MICAL3: variants seen among roughly 807,000 people sequenced by gnomAD.
MICAL3 encodes [F-actin]-monooxygenase MICAL3.
Under a neutral mutation model 207.4 loss-of-function variants are expected in MICAL3, and 62 were observed. That is an observed-to-expected ratio of 0.30 (90% CI 0.24 to 0.37). The LOEUF (loss-of-function observed/expected upper bound fraction) is 0.37. Ranked by LOEUF, MICAL3 falls within the 10% of genes least tolerant of loss-of-function variation. MICAL3 has a pLI of 1.00. For missense variants in MICAL3, 2,368 were observed against 2,635.6 expected (o/e 0.90, Z 2.22); for synonymous variants, 1,077 against 1,069.3 (o/e 1.01, Z -0.14).
At chr22:17,855,237 A>G (rs752029000) in intron 19 of MICAL3, among the ~76,000 whole-genome samples, 19 of 152,202 alleles carry the variant, frequency 1.2e-4, no homozygotes, top group Non-Finnish European at 2.5e-4. Flanking sequence ...AGTAGATCAG[A>G]ATGTCCATAT....
At chr22:17,866,992 G>A (rs1048854310) in intron 17 of MICAL3, among the ~76,000 whole-genome samples, 2 of 152,228 alleles carry the variant, frequency 1.3e-5, no homozygotes, top group African/African-American at 4.8e-5. Context: ...TTTGTAGAGA[G>A]TGCTTCTTAG....
chr22:17,860,431 C>T (rs1403513840), intron 19 of MICAL3: 14 of 985,308 alleles, frequency 1.4e-5, no homozygotes, highest in South Asian at 1.4e-4. Flanking sequence ...GTACCGCCGC[C>T]GGGAAGCCGG....
intron 1 of MICAL3, among the ~76,000 whole-genome samples, chr22:17,913,624 C>G (rs756579006): frequency 6.6e-6 from 1 of 151,978 alleles, no homozygotes; most frequent in African/African-American, 2.4e-5. Flanking sequence ...AGAGCCAGAC[C>G]CAGATAGCCT....
intron 1 of MICAL3, among the ~76,000 whole-genome samples, chr22:18,000,219 C>T (rs2146485679): frequency 6.8e-6 from 1 of 147,806 alleles, no homozygotes; most frequent in African/African-American, 2.6e-5. Flanking sequence ...CCTCTCCATG[C>T]ACATCCCACT....
chr22:18,012,473 G>T (rs985666535), intron 1 of MICAL3, among the ~76,000 whole-genome samples: 1 of 152,192 alleles, frequency 6.6e-6, no homozygotes, highest in Non-Finnish European at 1.5e-5. Flanking sequence ...AGACCAAGGC[G>T]ATAGTGGTGG....
intron 1 of MICAL3, among the ~76,000 whole-genome samples, chr22:17,951,528 G>A (rs1175303832): frequency 6.6e-6 from 1 of 151,304 alleles, no homozygotes; most frequent in Non-Finnish European, 1.5e-5. Context: ...AAAAACTCAG[G>A]GCACAGAGAA....
chr22:17,927,433 C>G (rs1265225355), intron 1 of MICAL3, among the ~76,000 whole-genome samples: 1 of 152,204 alleles, frequency 6.6e-6, no homozygotes, highest in East Asian at 1.9e-4. Context: ...AATTCCCATA[C>G]TATGTTTCTT....
chr22:17,853,159 T>C (rs1031806382), intron 19 of MICAL3, among the ~76,000 whole-genome samples: 2 of 151,990 alleles, frequency 1.3e-5, no homozygotes, highest in Non-Finnish European at 2.9e-5. Flanking sequence ...GAAGAGCCCC[T>C]AGGGTGTCAT....
chr22:17,818,256 G>A lies in MICAL3; in HGVS notation c.4405C>T (p.Pro1469Ser). The stretch of plus-strand genomic sequence containing the variant: ...CTGAGCTTCCTCCGCAAGGTGGCGG[G>A]CTCCTCGCCCGGGGGTGGCGGTGGG... ...PPPPPPPGEE[P>S]ATLRRKLREA... The change falls in exon 26 of 32, where the codon CCC becomes TCC. Residue 1469 changes from proline to serine, a missense_variant. Around this residue, in one of 4 missense-constraint regions of MICAL3, gnomAD observed 1,770 missense variants for 1,863.2 expected, o/e 0.95. Coordinates refer to ENST00000441493, the MANE Select transcript of MICAL3 (RefSeq NM_015241.3). 1 of 1,509,048 alleles carries A rather than the reference G, an allele frequency of 6.6e-7. No individual in the cohort carries two copies. The highest frequency in any genetic ancestry group is 8.8e-7 in the Non-Finnish European group (1 of 1,130,234). 93.5% of individuals were successfully genotyped at this position (1,509,048 alleles called of 1,614,324 possible).
chr22:17,879,243 G>A, intron 16 of MICAL3: 1 of 958,646 alleles, frequency 1.0e-6, no homozygotes, highest in Non-Finnish European at 1.5e-6. Context: ...AAAAGCAAGG[G>A]GAGGGGGCCG....
chr22:17,990,810 T>C (rs1322477433), intron 1 of MICAL3, among the ~76,000 whole-genome samples: 2 of 152,208 alleles, frequency 1.3e-5, no homozygotes, highest in Non-Finnish European at 2.9e-5. Flanking sequence ...TGACACATAT[T>C]ATGAAGCGGA....
chr22:17,903,332 T>C (rs1931467664), intron 3 of MICAL3, among the ~76,000 whole-genome samples: 1 of 152,214 alleles, frequency 6.6e-6, no homozygotes. Flanking sequence ...CTTGCTTATT[T>C]TCATAGTGAG....
intron 16 of MICAL3, chr22:17,875,219 G>A: frequency 3.1e-6 from 1 of 323,062 alleles, no homozygotes; most frequent in Non-Finnish European, 5.6e-6. Context: ...ACCTGGATGT[G>A]TCAGATACAG....
intron 27 of MICAL3, 97 bp downstream of exon 27, chr22:17,816,593 G>T (rs897127646): frequency 1.0e-6 from 1 of 957,404 alleles, no homozygotes. Flanking sequence ...TCCATCCCTG[G>T]CTTGCGGTTT....
intron 22 of MICAL3, among the ~76,000 whole-genome samples, chr22:17,825,411 G>A (rs1922070908): frequency 6.6e-6 from 1 of 152,162 alleles, no homozygotes; most frequent in Non-Finnish European, 1.5e-5. Flanking sequence ...CACGTGCTAT[G>A]AAAGCCAGGA....
chr22:17,836,392 G>C (rs1033211371), intron 20 of MICAL3, among the ~76,000 whole-genome samples: 3 of 152,228 alleles, frequency 2.0e-5, no homozygotes, highest in Non-Finnish European at 2.9e-5. Context: ...AGGAAGTTGG[G>C]TCATTTGCAT....
At chr22:17,990,939 T>C (rs1020104205) in intron 1 of MICAL3, among the ~76,000 whole-genome samples, 4 of 152,244 alleles carry the variant, frequency 2.6e-5, no homozygotes, top group Admixed American at 2.6e-4. Flanking sequence ...CTGGATTTTC[T>C]TGCCTGCCTG....
At chr22:17,929,204 T>C (rs1390138938) in intron 1 of MICAL3, among the ~76,000 whole-genome samples, 1 of 149,664 alleles carries the variant, frequency 6.7e-6, no homozygotes, top group Non-Finnish European at 1.5e-5. Context: ...GTCAAACAAT[T>C]CCCCCTACCT....
intron 1 of MICAL3, among the ~76,000 whole-genome samples, chr22:17,973,656 C>T (rs767663276): frequency 2.6e-4 from 39 of 152,166 alleles, no homozygotes; most frequent in Non-Finnish European, 3.7e-4. Flanking sequence ...TGGCCAAGTG[C>T]GATGGCTCAC....
Sources: allele counts gnomAD v4.1 joint callset (sites outside exome capture counted in the v4.1 genomes callset), GRCh38; gene constraint gnomAD v4.1.1; regional missense constraint gnomAD v4.1.1; transcripts MANE v1.5; gene names NCBI Gene and HGNC (gene_info 2026-07-23, HGNC 2026-07-21).